WFDC6: variants seen among roughly 807,000 people sequenced by gnomAD.
The protein encoded by WFDC6 is WAP four-disulfide core domain protein 6.
A neutral mutation model predicts 8.2 loss-of-function variants in WFDC6; 10 were observed. That is an observed-to-expected ratio of 1.22 (90% CI 0.75 to 2.07). The LOEUF (loss-of-function observed/expected upper bound fraction) is 2.07, where lower values mean the gene tolerates loss of function less well. Among genes scored for constraint, WFDC6 ranks in the 30% most tolerant of loss-of-function variants. The pLI, the probability that WFDC6 is intolerant of heterozygous loss-of-function variation, is 0.00. For synonymous variants in WFDC6, 28 were observed against 37.0 expected (o/e 0.76, Z 0.88); for missense variants, 105 against 104.9 (o/e 1.00, Z 0.00).
At position 45,534,272 on chromosome 20, in the gene WFDC6, A is replaced by G; in HGVS notation, c.*195T>C. On this transcript the variant is annotated 3_prime_UTR_variant, in exon 3 of 3. Transcript: ENST00000372670. ...AATGGGGGGTCTGAAAGTTGAAGACATAGAGTTTCATACTGAGAAGTGGTC... is the reference window on the plus strand; with the variant it reads ...AATGGGGGGTCTGAAAGTTGAAGACGTAGAGTTTCATACTGAGAAGTGGTC... The G allele has an allele frequency of 3.0e-6, 2 of 657,568 alleles. No homozygotes were observed. Among genetic ancestry groups the G allele is most frequent in the Non-Finnish European group, 5.4e-6 (2 of 370,786 alleles). 40.7% of individuals were successfully genotyped at this position (657,568 alleles called of 1,614,324 possible).
chr20:45,535,286 G>T (rs1289823954), intron 2 of WFDC6: 1 of 1,304,066 alleles, frequency 7.7e-7, no homozygotes, highest in Non-Finnish European at 1.0e-6. Context: ...AGTGTGGTAT[G>T]GAGGCCAGGC....
rs376379774 is a variant in WFDC6 at position 45,534,505 on chromosome 20, C to G, written c.223G>C (p.Val75Leu). ...TCCTTATGGTATAAAGTAAGGCTGACCTGTGAAGCAGAAGAATAAAGGGTG... is the reference window on the plus strand; with the variant it reads ...TCCTTATGGTATAAAGTAAGGCTGAGCTGTGAAGCAGAAGAATAAAGGGTG... ...RGKKCLDFRK[V>L]SLTLYHKEEL... The change falls in exon 3 of 3, where the codon GTC (valine) becomes CTC (leucine). Residue 75 changes from valine to leucine, a missense_variant and splice_region_variant. Transcript: ENST00000372670. The G allele has an allele frequency of 2.5e-5, 40 of 1,613,824 alleles. No individual in the cohort carries two copies. In the African/African-American group the frequency reaches 4.9e-4, roughly 20 times the overall value.
At chr20:45,537,860 T>C in intron 2 of WFDC6, 104 bp downstream of exon 2, 1 of 1,580,262 alleles carries the variant, frequency 6.3e-7, no homozygotes, top group Non-Finnish European at 8.6e-7. Flanking sequence ...ACCTAAACTC[T>C]TGGTCAGAGA....
chr20:45,534,551 C>A, intron 2 of WFDC6, 46 bp from the exon 3 acceptor site: 3 of 1,603,344 alleles, frequency 1.9e-6, no homozygotes, highest in Non-Finnish European at 2.6e-6. Flanking sequence ...ACCCTGACCA[C>A]ATTAGGAACC....
In WFDC6 at chr20:45,539,298, C is replaced by T. The variant is rs375830086; in HGVS notation, c.91+19G>A. On this transcript the variant is annotated intron_variant, in intron 1 of 2. Transcript: ENST00000372670. ...GAGTTTCCTTTCCCCATTGCAAGGACGGAGTTCCCAATACTTACTGCCAAG... is the reference window on the plus strand; with the variant it reads ...GAGTTTCCTTTCCCCATTGCAAGGATGGAGTTCCCAATACTTACTGCCAAG... The T allele has an allele frequency of 2.4e-4, 394 of 1,612,008 alleles. No individual in the cohort carries two copies. The highest frequency in any genetic ancestry group is 3.1e-4 in the Non-Finnish European group (367 of 1,178,252).
Position 45,538,066 on chromosome 20 carries a change from G to T in WFDC6, c.120C>A (p.Cys40Ter), listed in dbSNP as rs374760516. ...TACACTGGTCTATTTCTTCCACTTC[G>T]CATTCCACTTTGATTTTGGGACACG... ...GKPCPKIKVECEVEEIDQCTK... is the reference protein window; with the variant it reads ...GKPCPKIKVE Residue 40 changes from cysteine (C) to a stop codon, truncating the protein, a stop_gained, in exon 2 of 3, where the codon TGC becomes TGA. Coordinates refer to ENST00000372670, the MANE Select transcript of WFDC6 (RefSeq NM_080827.2). LOFTEE classifies it high-confidence loss of function. 7 of 1,613,704 alleles carry T rather than the reference G, an allele frequency of 4.3e-6. No individual in the cohort carries two copies. Among genetic ancestry groups the T allele is most frequent in the African/African-American group, 2.7e-5 (2 of 74,832 alleles).
rs1979288237 is a variant in WFDC6 at position 45,534,450 on chromosome 20, G to A, written c.*17C>T. The A allele has an allele frequency of 4.3e-6, 7 of 1,614,038 alleles. No individual in the cohort carries two copies. The highest frequency in any genetic ancestry group is 5.9e-6 in the Non-Finnish European group (7 of 1,179,918). Reference sequence around the variant, plus strand: ...ACACGTGGAGAGAGGCCTGGATTATGAGCCAAATCCTGGAGGTTATTCAAG... The same window carrying A: ...ACACGTGGAGAGAGGCCTGGATTATAAGCCAAATCCTGGAGGTTATTCAAG... On this transcript the variant is annotated 3_prime_UTR_variant, in exon 3 of 3. Coordinates refer to ENST00000372670, the MANE Select transcript of WFDC6 (RefSeq NM_080827.2).
chr20:45,535,429 A>C (rs908944909), intron 2 of WFDC6: 9 of 1,186,430 alleles, frequency 7.6e-6, no homozygotes, highest in Non-Finnish European at 9.6e-6. Flanking sequence ...GTCTCCACTG[A>C]GAAGCAAATT....
intron 2 of WFDC6, 70 bp from the exon 3 acceptor site, chr20:45,534,575 A>G (rs1979294426): frequency 3.8e-6 from 6 of 1,566,184 alleles, no homozygotes; most frequent in Non-Finnish European, 3.5e-6. Context: ...TCTTGCACCT[A>G]ATGGGAAAAA....
intron 2 of WFDC6, chr20:45,535,436 A>G: frequency 8.5e-7 from 1 of 1,176,370 alleles, no homozygotes; most frequent in Non-Finnish European, 1.1e-6. Context: ...CTGAGAAGCA[A>G]ATTTGCCTCA....
intron 1 of WFDC6, 125 bp downstream of exon 1, chr20:45,539,192 T>C (rs1979488911): frequency 1.1e-6 from 1 of 929,412 alleles, no homozygotes; most frequent in Admixed American, 2.1e-5. Context: ...AGCTCCCCTC[T>C]TTCCCACCTG....
At position 45,539,379 on chromosome 20, in the gene WFDC6, A is replaced by G; in HGVS notation, c.29T>C (p.Leu10Pro). Residue 10 changes from leucine to proline, a missense_variant, in exon 1 of 3, where the codon CTG (leucine) becomes CCG (proline). By Grantham distance (98) the Leu-to-Pro change is moderately conservative. Transcript: ENST00000372670. Reference sequence around the variant, plus strand: ...GTCCCCCAAAAGGATGAATGGTACCAGGATTGGCAGAAGTCCTGAGAGTCC... The same window carrying G: ...GTCCCCCAAAAGGATGAATGGTACCGGGATTGGCAGAAGTCCTGAGAGTCC... MGLSGLLPI[L>P]VPFILLGDIQ... is the part of the protein sequence containing the mutation. 18 of 1,613,912 alleles carry G rather than the reference A, an allele frequency of 1.1e-5. No homozygotes were observed. The highest frequency in any genetic ancestry group is 1.5e-5 in the Non-Finnish European group (18 of 1,179,834).
chr20:45,534,949 C>T (rs1051961127), intron 2 of WFDC6, among the ~76,000 whole-genome samples: 3 of 152,244 alleles, frequency 2.0e-5, no homozygotes, highest in Admixed American at 1.3e-4. Context: ...TTTCTCTCTA[C>T]ACCCACTACT....
At position 45,534,522 on chromosome 20, in the gene WFDC6, T is replaced by C; in HGVS notation, c.223-17A>G. ...AAGGCTGACCTGTGAAGCAGAAGAA[T>C]AAAGGGTGAGATGCTTGGACCCTGA... On this transcript the variant is annotated splice_polypyrimidine_tract_variant and intron_variant, in intron 2 of 2. Transcript: ENST00000372670. 2.5e-6 allele frequency: 4 copies of C among 1,613,770 alleles called. No individual in the cohort carries two copies. Among genetic ancestry groups the C allele is most frequent in the Non-Finnish European group, 3.4e-6 (4 of 1,179,810 alleles).
rs547501215 is a variant in WFDC6, at chr20:45,537,078, T to C, written c.222+886A>G. 3.6e-5 allele frequency: 6 copies of C among 164,558 alleles called. No individual in the cohort carries two copies. The South Asian group carries it at 8.4e-4, about 23-fold the overall frequency. The allele number at this position is 164,558 out of a possible 1,614,324, so 10.2% of individuals were successfully genotyped here. A position where few individuals can be genotyped will look rare whatever the true frequency, so the allele number is the denominator to read the frequency against. ...AAGTAACAAGATTCAGAAAATATCA[T>C]TAAGTAGGGCATTTATTTGACCCCA... On this transcript the variant is annotated intron_variant, in intron 2 of 2. Transcript: ENST00000372670.
At chr20:45,534,553 T>A in intron 2 of WFDC6, 48 bp from the exon 3 acceptor site, 1 of 1,604,360 alleles carries the variant, frequency 6.2e-7, no homozygotes. Context: ...CCTGACCACA[T>A]TAGGAACCAA....
At position 45,538,052 on chromosome 20, in the gene WFDC6, A is replaced by T; in HGVS notation, c.134T>A (p.Ile45Lys). The change falls in exon 2 of 3, where the codon ATA becomes AAA. Residue 45 changes from isoleucine to lysine, a missense_variant. Ile to Lys is a moderately radical substitution (Grantham distance 102). Transcript: ENST00000372670. ...ATCTCTGGGTTTGGTACACTGGTCT[A>T]TTTCTTCCACTTCGCATTCCACTTT... ...KIKVECEVEE[I>K]DQCTKPRDCP... The T allele has an allele frequency of 6.2e-7, 1 of 1,613,806 alleles. No individual in the cohort carries two copies. Among genetic ancestry groups the T allele is most frequent in the Non-Finnish European group, 8.5e-7 (1 of 1,179,876 alleles).
chr20:45,535,785 C>A (rs1979342135), intron 2 of WFDC6, among the ~76,000 whole-genome samples: 1 of 152,190 alleles, frequency 6.6e-6, no homozygotes, highest in African/African-American at 2.4e-5. Context: ...TCCAGAATGG[C>A]CGATCTGCTG....
At position 45,534,287 on chromosome 20, in the gene WFDC6, G is replaced by A. The variant is rs577296345; in HGVS notation, c.*180C>T. The A allele has an allele frequency of 1.4e-6, 1 of 723,154 alleles. No homozygotes were observed. Among genetic ancestry groups the A allele is most frequent in the Non-Finnish European group, 2.4e-6 (1 of 409,900 alleles). 44.8% of individuals were successfully genotyped at this position (723,154 alleles called of 1,614,324 possible). A position where few individuals can be genotyped will look rare whatever the true frequency, so the allele number is the denominator to read the frequency against. ...AGTTGAAGACATAGAGTTTCATACT[G>A]AGAAGTGGTCAAGGGGAAGAGCATT... On this transcript the variant is annotated 3_prime_UTR_variant, in exon 3 of 3. Coordinates refer to ENST00000372670, the MANE Select transcript of WFDC6 (RefSeq NM_080827.2).
Sources: gnomAD v4.1 joint callset for allele counts (sites outside exome capture counted in the v4.1 genomes callset) on GRCh38, gnomAD v4.1.1 for gene constraint, MANE v1.5 for transcripts, NCBI Gene and HGNC (gene_info 2026-07-23, HGNC 2026-07-21) for gene names.